BPI: variants seen among roughly 807,000 people sequenced by gnomAD.
The protein encoded by BPI is bactericidal permeability-increasing protein.
In BPI, 48 loss-of-function variants were observed where a neutral mutation model predicts 57.6. That is an observed-to-expected ratio of 0.83 (90% CI 0.66 to 1.06). The LOEUF is 1.06. BPI is among the 50% of genes least tolerant of loss of function. The pLI is 0.00. For synonymous variants in BPI, 237 were observed against 238.2 expected, an observed-to-expected ratio of 0.99 and a Z score of 0.05; for missense variants, 651 against 609.7, an observed-to-expected ratio of 1.07 and a Z score of -0.71.
At chr20:38,318,566 TC>T in intron 6 of BPI, 90 bp downstream of exon 6, 1 of 1,417,502 alleles carries the variant, frequency 7.1e-7, no homozygotes, top group Non-Finnish European at 1.0e-6. Flanking sequence ...CCGGCAAGTT[TC>T]CCAGACAGCC....
In BPI at chr20:38,324,852, TC is replaced by T; in HGVS notation, c.993+21del. On this transcript the variant is annotated intron_variant, in intron 9 of 14. Transcript: ENST00000642449. ...ACCTGAGGTATGGAAGACCTTGCTT[TC>T]CTTTAGTGAGCCCCGGGGGTTCTGG... The T allele has an allele frequency of 6.3e-7, 1 of 1,599,414 alleles. No homozygotes were observed. Among genetic ancestry groups the T allele is most frequent in the African/African-American group, 1.3e-5 (1 of 74,706 alleles).
chr20:38,310,778 C>A, intron 4 of BPI, 126 bp downstream of exon 4: 1 of 1,286,404 alleles, frequency 7.8e-7, no homozygotes, highest in Non-Finnish European at 1.1e-6. Flanking sequence ...AGGCCTCAGG[C>A]ATGGTATGGG....
chr20:38,309,974 A>G (rs2076614439), intron 3 of BPI, among the ~76,000 whole-genome samples: 1 of 152,180 alleles, frequency 6.6e-6, no homozygotes, highest in Admixed American at 6.5e-5. Flanking sequence ...GCTGTTTTGC[A>G]TCTGTCTTTT....
intron 1 of BPI, among the ~76,000 whole-genome samples, chr20:38,306,384 G>A (rs2076596790): frequency 6.6e-6 from 1 of 152,228 alleles, no homozygotes; most frequent in Non-Finnish European, 1.5e-5. Context: ...CAATGGGAAT[G>A]TAAGGGACAC....
In BPI at chr20:38,310,594, T is replaced by C; in HGVS notation, c.478T>C (p.Ser160Pro). The C allele has an allele frequency of 1.2e-6, 2 of 1,614,140 alleles. No homozygotes were observed. Among genetic ancestry groups the C allele is most frequent in the Non-Finnish European group, 1.7e-6 (2 of 1,180,016 alleles). Residue 160 changes from serine to proline, a missense_variant, in exon 4 of 15, where the codon TCC (serine) becomes CCC (proline). Transcript: ENST00000642449. The stretch of plus-strand genomic sequence containing the variant: ...GTCAGGCAAGCCCACCATCACCTGC[T>C]CCAGCTGCAGCAGCCACATCAACAG... ...PTSGKPTITC[S>P]SCSSHINSVH...
At chr20:38,308,655 G>A (rs1218007672) in intron 2 of BPI, among the ~76,000 whole-genome samples, 1 of 152,194 alleles carries the variant, frequency 6.6e-6, no homozygotes, top group Non-Finnish European at 1.5e-5. Context: ...TTACAGATGA[G>A]GAAACTGAGG....
chr20:38,308,896 GA>G, intron 2 of BPI, 33 bp from the exon 3 acceptor site: 5 of 1,613,270 alleles, frequency 3.1e-6, no homozygotes, highest in Non-Finnish European at 4.2e-6. Context: ...AGGAGTATAT[GA>G]AATTATATGA....
Position 38,307,579 on chromosome 20 carries a change from G to A in BPI, c.143G>A (p.Gly48Glu), listed in dbSNP as rs553515446. ...CTTCTCCCTTCAGCCAGCCAGCAGG[G>A]GACGGCCGCTCTGCAGAAGGAGCTG... ...QKGLDYASQQ[G>E]TAALQKELKR... Residue 48 changes from glycine (G) to glutamate (E), a missense_variant, in exon 2 of 15, where the codon GGG becomes GAG. By Grantham distance (98) the Gly-to-Glu change is moderately conservative. Coordinates refer to ENST00000642449, the MANE Select transcript of BPI (RefSeq NM_001725.3). 3.1e-6 allele frequency: 5 copies of A among 1,604,584 alleles called. No individual in the cohort carries two copies. Among genetic ancestry groups the A allele is most frequent in the African/African-American group, 1.3e-5 (1 of 74,342 alleles).
intron 6 of BPI, 99 bp from the exon 7 acceptor site, chr20:38,320,084 C>A (rs2076673560): frequency 9.8e-7 from 1 of 1,021,744 alleles, no homozygotes. Flanking sequence ...ACTTGCACTG[C>A]AGCTCTTGAT....
chr20:38,322,838 G>A (rs1646394438), intron 7 of BPI, among the ~76,000 whole-genome samples: 1 of 152,160 alleles, frequency 6.6e-6, no homozygotes, highest in African/African-American at 2.4e-5. Context: ...TCAAATTCCT[G>A]ACCTCAGGTG....
chr20:38,323,183 T>C (rs1019024774), intron 7 of BPI, among the ~76,000 whole-genome samples: 1 of 152,116 alleles, frequency 6.6e-6, no homozygotes, highest in Non-Finnish European at 1.5e-5. Context: ...TTTTTGCCTG[T>C]GTTTTTATAC....
intron 6 of BPI, 29 bp from the exon 7 acceptor site, chr20:38,320,154 A>G: frequency 2.6e-6 from 4 of 1,567,288 alleles, no homozygotes; most frequent in Non-Finnish European, 3.5e-6. Context: ...CGTGGGAGCC[A>G]GCTCATGGTC....
At chr20:38,318,755 A>T (rs192506178) in intron 6 of BPI, among the ~76,000 whole-genome samples, 26 of 152,344 alleles carry the variant, frequency 1.7e-4, no homozygotes, top group African/African-American at 6.0e-4. Context: ...GGCCAGAGAC[A>T]CATGACTGGC....
At chr20:38,326,126 A>G in intron 9 of BPI, 139 bp from the exon 10 acceptor site, 1 of 915,942 alleles carries the variant, frequency 1.1e-6, no homozygotes, top group Non-Finnish European at 1.6e-6. Context: ...CAGCTGGCAG[A>G]CTGTGCAATC....
At chr20:38,317,759 T>C in intron 5 of BPI, 1 of 1,303,226 alleles carries the variant, frequency 7.7e-7, no homozygotes, top group Non-Finnish European at 1.1e-6. Context: ...TGTTCCGTTT[T>C]ACAGATGAAG....
chr20:38,327,662 G>C lies in BPI; in HGVS notation c.1229+7G>C, dbSNP rs531238626. The stretch of plus-strand genomic sequence containing the variant: ...GAGAGCTCAAGCTGGATAGGTAAGT[G>C]GGCCTGTGAGAGGAGGAGGGGGCTG... On this transcript the variant is annotated splice_region_variant and intron_variant, in intron 11 of 14. Coordinates refer to ENST00000642449, the MANE Select transcript of BPI (RefSeq NM_001725.3). 2 of 1,613,352 alleles carry C rather than the reference G, an allele frequency of 1.2e-6. No individual in the cohort carries two copies. Among genetic ancestry groups the C allele is most frequent in the African/African-American group, 1.3e-5 (1 of 75,022 alleles).
chr20:38,324,084 G>A, intron 8 of BPI, 38 bp downstream of exon 8: 1 of 1,602,766 alleles, frequency 6.2e-7, no homozygotes, highest in Non-Finnish European at 8.5e-7. Context: ...GAAGAGCACT[G>A]GACCCAGAAT....
intron 2 of BPI, 78 bp downstream of exon 2, chr20:38,307,759 C>G: frequency 8.6e-7 from 1 of 1,160,902 alleles, no homozygotes; most frequent in East Asian, 2.6e-5. Context: ...GAATGCAGAG[C>G]CACAAACTCC....
intron 14 of BPI, among the ~76,000 whole-genome samples, chr20:38,336,876 C>T (rs531862692): frequency 6.6e-6 from 1 of 152,122 alleles, no homozygotes; most frequent in Non-Finnish European, 1.5e-5. Flanking sequence ...GAGGCAGGGA[C>T]GACAAATGAA....
Sources: allele counts gnomAD v4.1 joint callset (sites outside exome capture counted in the v4.1 genomes callset), GRCh38; gene constraint gnomAD v4.1.1; transcripts MANE v1.5; gene names NCBI Gene and HGNC (gene_info 2026-07-23, HGNC 2026-07-21).